The following CNTNAP5 variants were observed in gnomAD, a reference collection of about 807,000 sequenced individuals.
CNTNAP5 encodes contactin associated protein family member 5, also known as contactin-associated protein-like 5.
In CNTNAP5, 72 loss-of-function variants were observed where a neutral mutation model predicts 150.2. The ratio of observed to expected loss-of-function variants is 0.48; its 90% CI spans 0.40 to 0.58. The LOEUF (loss-of-function observed/expected upper bound fraction) is 0.58. CNTNAP5 is among the 20% of genes least tolerant of loss of function. The pLI is 0.00. For synonymous variants in CNTNAP5, 672 were observed against 619.8 expected (o/e 1.08, Z -1.25); for missense variants, 1,636 against 1,626.2 (o/e 1.01, Z -0.10).
Position 124,311,486 on chromosome 2 carries a change from G to T in CNTNAP5, c.381+69093G>T, listed in dbSNP as rs1474667249. 7.9e-5 allele frequency among the ~76,000 whole-genome samples: 12 copies of T among 152,112 alleles called. 1 individual carries two copies. The highest frequency in any genetic ancestry group is 6.6e-4 in the Admixed American group (10 of 15,266). On this transcript the variant is annotated intron_variant, in intron 3 of 23. Transcript: ENST00000682447. Reference sequence around the variant, plus strand: ...AGAAAGCGAGAAAGAAGGAAAGAAAGATTTTTTGTCTTTTTACAAGGACAC... The same window carrying T: ...AGAAAGCGAGAAAGAAGGAAAGAAATATTTTTTGTCTTTTTACAAGGACAC...
chr2:124,607,674 C>T (rs1677280952), intron 11 of CNTNAP5, among the ~76,000 whole-genome samples: 3 of 152,162 alleles, frequency 2.0e-5, no homozygotes, highest in Non-Finnish European at 4.4e-5. Flanking sequence ...CAGGAAAAAC[C>T]ACCCATTCTG....
intron 10 of CNTNAP5, among the ~76,000 whole-genome samples, chr2:124,528,190 A>G (rs1695021131): frequency 1.3e-5 from 2 of 152,184 alleles, no homozygotes; most frequent in African/African-American, 4.8e-5. Context: ...GGTGAATAAT[A>G]TCTGTTCAGT....
chr2:124,639,233 C>G (rs546145321), intron 12 of CNTNAP5, among the ~76,000 whole-genome samples: 1 of 152,140 alleles, frequency 6.6e-6, no homozygotes, highest in Admixed American at 6.5e-5. Context: ...CATGTAAATG[C>G]GACGAGCACG....
At chr2:124,177,399 A>C (rs115676291) in intron 1 of CNTNAP5, among the ~76,000 whole-genome samples, 4,153 of 152,228 alleles carry the variant, frequency 0.027, 122 homozygotes, top group Non-Finnish European at 0.039. Flanking sequence ...ATTTACTTCC[A>C]AAACAACTTC....
chr2:124,504,681 A>G, intron 8 of CNTNAP5, 125 bp downstream of exon 8: 1 of 780,620 alleles, frequency 1.3e-6, no homozygotes, highest in Non-Finnish European at 1.9e-6. Flanking sequence ...TCACAAATGT[A>G]CTCCAAGTCT....
chr2:124,667,002 G>C (rs1400618354), intron 13 of CNTNAP5, among the ~76,000 whole-genome samples: 2 of 143,394 alleles, frequency 1.4e-5, no homozygotes, highest in Non-Finnish European at 3.1e-5. Context: ...ATGATAGCTT[G>C]ATGTGCTTTA....
intron 13 of CNTNAP5, among the ~76,000 whole-genome samples, chr2:124,654,151 G>A (rs1244625815): frequency 6.6e-6 from 1 of 152,160 alleles, no homozygotes; most frequent in Non-Finnish European, 1.5e-5. Flanking sequence ...AAAGGCCAGT[G>A]TGGCTAGAGG....
rs533089603 is a variant in CNTNAP5 at position 124,658,011 on chromosome 2, G to A, written c.2077+10053G>A. Among the ~76,000 whole-genome samples the A allele has an allele frequency of 2.6e-5, 4 of 152,306 alleles. No homozygotes were observed. In the East Asian group the frequency reaches 5.8e-4, roughly 22 times the overall value. ...AGAATGTGAGCTTCTTGTAAGAGGG[G>A]CCTTCTTTGTCTCATTCTTTATTCC... On this transcript the variant is annotated intron_variant, in intron 13 of 23. Coordinates refer to ENST00000682447, the MANE Select transcript of CNTNAP5 (RefSeq NM_001367498.1).
intron 9 of CNTNAP5, among the ~76,000 whole-genome samples, chr2:124,525,276 G>T (rs1032653515): frequency 1.3e-4 from 20 of 152,192 alleles, no homozygotes; most frequent in Non-Finnish European, 2.5e-4. Context: ...CCTTGAGAAA[G>T]ATACTTATAG....
chr2:124,228,636 C>T (rs1228722863), intron 2 of CNTNAP5, among the ~76,000 whole-genome samples: 1 of 152,168 alleles, frequency 6.6e-6, no homozygotes, highest in Non-Finnish European at 1.5e-5. Context: ...GGATTTGCTT[C>T]AAATTGTTCC....
At chr2:124,683,190 G>A (rs981791092) in intron 13 of CNTNAP5, among the ~76,000 whole-genome samples, 8 of 152,118 alleles carry the variant, frequency 5.3e-5, no homozygotes, top group African/African-American at 1.4e-4. Flanking sequence ...TGGGGGAGCC[G>A]TGTGCCCCAC....
At chr2:124,730,675 T>C (rs1460184156) in intron 13 of CNTNAP5, among the ~76,000 whole-genome samples, 1 of 152,156 alleles carries the variant, frequency 6.6e-6, no homozygotes, top group Non-Finnish European at 1.5e-5. Context: ...TATTTTTAAA[T>C]GGTACATTTT....
At chr2:124,416,738 C>T (rs1573980453) in intron 3 of CNTNAP5, among the ~76,000 whole-genome samples, 3 of 151,924 alleles carry the variant, frequency 2.0e-5, no homozygotes, top group South Asian at 4.1e-4. Context: ...AGTGACTGGC[C>T]TCAATTAATG....
intron 3 of CNTNAP5, among the ~76,000 whole-genome samples, chr2:124,338,258 G>T (rs7422577): frequency 0.12 from 18,856 of 152,118 alleles, 1,273 homozygotes; most frequent in Non-Finnish European, 0.14. Flanking sequence ...AGCTTAAGGA[G>T]ATTTTGGGCT....
chr2:124,417,471 G>C lies in CNTNAP5; in HGVS notation c.410G>C (p.Ser137Thr), dbSNP rs1257323115. ...TTTGCAGGAAACATGAATGCTGACA[G>C]CGTGGTGCACCACAAGCTATTGCAC... is the stretch of plus-strand genomic sequence containing the variant. ...WTFAGNMNAD[S>T]VVHHKLLHSV... Residue 137 changes from serine to threonine, a missense_variant, in exon 4 of 24, where the codon AGC becomes ACC. Ser to Thr is a moderately conservative substitution (Grantham distance 58). Transcript: ENST00000682447. The C allele has an allele frequency of 6.2e-7, 1 of 1,613,884 alleles. No individual in the cohort carries two copies. The highest frequency in any genetic ancestry group is 1.3e-5 in the African/African-American group (1 of 75,040).
At chr2:124,414,229 C>T (rs1558890971) in intron 3 of CNTNAP5, among the ~76,000 whole-genome samples, 1 of 150,244 alleles carries the variant, frequency 6.7e-6, no homozygotes, top group Non-Finnish European at 1.5e-5. Context: ...ATACATCTAA[C>T]AGGAAGATCT....
At chr2:124,046,433 G>GAAAAAAAAAAAAAA (rs55954535) in intron 1 of CNTNAP5, among the ~76,000 whole-genome samples, 1 of 134,608 alleles carries the variant, frequency 7.4e-6, no homozygotes, top group African/African-American at 2.8e-5. Context: ...ACAAAAGAGA[G>GAAAAAAAAAAAAAA]AAAAAAAAAA....
At chr2:124,700,508 C>G (rs1051428227) in intron 13 of CNTNAP5, among the ~76,000 whole-genome samples, 2 of 152,084 alleles carry the variant, frequency 1.3e-5, no homozygotes, top group Non-Finnish European at 2.9e-5. Flanking sequence ...TCTCCACAAC[C>G]TTGCCAACAC....
chr2:124,763,920 C>T, intron 15 of CNTNAP5, 57 bp from the exon 16 acceptor site: 7 of 1,595,916 alleles, frequency 4.4e-6, no homozygotes, highest in South Asian at 3.3e-5. Flanking sequence ...ATGTCCAGTG[C>T]TTTCCCATAC....
Sources: allele counts gnomAD v4.1 joint callset (sites outside exome capture counted in the v4.1 genomes callset), GRCh38; gene constraint gnomAD v4.1.1; transcripts MANE v1.5; gene names NCBI Gene and HGNC (gene_info 2026-07-23, HGNC 2026-07-21).